PREX1: variants seen among roughly 807,000 people sequenced by gnomAD.
PREX1 encodes the protein phosphatidylinositol 3,4,5-trisphosphate-dependent Rac exchanger 1 protein.
In PREX1, 41 loss-of-function variants were observed where a neutral mutation model predicts 198.3. That is an observed-to-expected ratio of 0.21 (90% CI 0.16 to 0.27). The LOEUF (loss-of-function observed/expected upper bound fraction) is 0.27. PREX1 is among the 10% of genes least tolerant of loss of function. The probability of loss-of-function intolerance (pLI) is 1.00; values close to 1 mark genes in which losing one functional copy is unlikely to be tolerated. For synonymous variants in PREX1, 843 were observed against 887.2 expected (o/e 0.95, Z 0.89); for missense variants, 1,620 against 2,200.7 (o/e 0.74, Z 5.28).
intron 1 of PREX1, among the ~76,000 whole-genome samples, chr20:48,796,082 A>G (rs2090361209): frequency 6.6e-6 from 1 of 152,200 alleles, no homozygotes; most frequent in African/African-American, 2.4e-5. Flanking sequence ...CTCATCCACA[A>G]TGCATTAATT....
At chr20:48,778,644 G>A (rs2090274625) in intron 1 of PREX1, among the ~76,000 whole-genome samples, 1 of 152,018 alleles carries the variant, frequency 6.6e-6, no homozygotes, top group Admixed American at 6.6e-5. Flanking sequence ...ATATGGTACT[G>A]GTGAAAGGGG....
At chr20:48,642,055 C>T in intron 29 of PREX1, 113 bp downstream of exon 29, 2 of 1,108,342 alleles carry the variant, frequency 1.8e-6, no homozygotes, top group Admixed American at 2.0e-5. Context: ...TCCTGATGAT[C>T]CTACAGTCGT....
At chr20:48,725,863 C>G (rs1163505312) in intron 5 of PREX1, among the ~76,000 whole-genome samples, 1 of 152,196 alleles carries the variant, frequency 6.6e-6, no homozygotes, top group Non-Finnish European at 1.5e-5. Flanking sequence ...AAGCACGGGT[C>G]TAAGCTGACT....
chr20:48,764,706 C>T (rs958863896), intron 1 of PREX1, among the ~76,000 whole-genome samples: 4 of 148,544 alleles, frequency 2.7e-5, no homozygotes, highest in Non-Finnish European at 4.4e-5. Flanking sequence ...TGCTTGAACA[C>T]GGGAAGCAGT....
chr20:48,826,792 G>A (rs759717894), intron 1 of PREX1, among the ~76,000 whole-genome samples: 1 of 152,218 alleles, frequency 6.6e-6, no homozygotes, highest in East Asian at 1.9e-4. Flanking sequence ...CCGGGAGGCG[G>A]AGGTTGCAGT....
intron 5 of PREX1, among the ~76,000 whole-genome samples, chr20:48,712,586 T>G (rs943725174): frequency 6.6e-4 from 100 of 152,312 alleles, no homozygotes; most frequent in African/African-American, 2.3e-3. Flanking sequence ...AAAGGCTGCT[T>G]CCCTTTTCTA....
chr20:48,837,637 G>C, the PREX1 span, among the ~76,000 whole-genome samples: 1 of 152,306 alleles, frequency 6.6e-6, no homozygotes, highest in South Asian at 2.1e-4. Context: ...CATGGACGCA[G>C]AGGGGAGCAA....
chr20:48,754,610 G>A (rs1025190747), intron 1 of PREX1, among the ~76,000 whole-genome samples: 3 of 149,496 alleles, frequency 2.0e-5, no homozygotes, highest in Non-Finnish European at 4.4e-5. Flanking sequence ...TGCCCCCAAG[G>A]ACACCTCTGC....
the PREX1 span, among the ~76,000 whole-genome samples, chr20:48,860,631 G>A: frequency 6.6e-6 from 1 of 152,100 alleles, no homozygotes; most frequent in Non-Finnish European, 1.5e-5. Flanking sequence ...ATGAGGTCAG[G>A]AGATCGAGAC....
chr20:48,720,519 C>G (rs2089980454), intron 5 of PREX1, among the ~76,000 whole-genome samples: 1 of 152,118 alleles, frequency 6.6e-6, no homozygotes, highest in East Asian at 1.9e-4. Flanking sequence ...TCAGAGGACA[C>G]TAGGAAGACG....
intron 5 of PREX1, among the ~76,000 whole-genome samples, chr20:48,714,593 C>A (rs2089953376): frequency 6.6e-6 from 1 of 152,124 alleles, no homozygotes; most frequent in Non-Finnish European, 1.5e-5. Context: ...TAGCTATAAT[C>A]CAAAACATGA....
chr20:48,793,803 T>C (rs543654802), intron 1 of PREX1, among the ~76,000 whole-genome samples: 6 of 152,232 alleles, frequency 3.9e-5, no homozygotes, highest in African/African-American at 1.4e-4. Flanking sequence ...TATTCATATG[T>C]AAGGGTCAGT....
At chr20:48,850,416 G>A in the PREX1 span, among the ~76,000 whole-genome samples, 66 of 152,256 alleles carry the variant, frequency 4.3e-4, no homozygotes, top group Middle Eastern at 6.8e-3. Flanking sequence ...CAGATTAGGC[G>A]GTTGCAATTT....
At chr20:48,669,695 C>G (rs1370456320) in intron 14 of PREX1, among the ~76,000 whole-genome samples, 1 of 152,174 alleles carries the variant, frequency 6.6e-6, no homozygotes, top group Non-Finnish European at 1.5e-5. Context: ...GTGTCTCCAT[C>G]CCACCAAGTT....
intron 10 of PREX1, 141 bp downstream of exon 10, chr20:48,688,516 C>T (rs1443785626): frequency 4.6e-6 from 5 of 1,075,924 alleles, no homozygotes; most frequent in Non-Finnish European, 6.7e-6. Flanking sequence ...GAGGGCTGCT[C>T]CATAAGGATT....
the PREX1 span, among the ~76,000 whole-genome samples, chr20:48,855,086 C>G: frequency 6.6e-5 from 10 of 152,124 alleles, no homozygotes; most frequent in African/African-American, 2.4e-4. Context: ...ATTATCATAC[C>G]GATTATTATC....
chr20:48,677,145 G>A (rs1288095077), intron 13 of PREX1, among the ~76,000 whole-genome samples: 2 of 152,226 alleles, frequency 1.3e-5, no homozygotes. Context: ...GGCTCCACGT[G>A]CAGTTGGTGG....
intron 17 of PREX1, among the ~76,000 whole-genome samples, 154 bp from the exon 18 acceptor site, chr20:48,657,342 G>C (rs2089552944): frequency 6.6e-6 from 1 of 152,178 alleles, no homozygotes. Context: ...AAGCAGTTGA[G>C]GGGCACAAGG....
chr20:48,664,113 G>A (rs566536072), intron 15 of PREX1, among the ~76,000 whole-genome samples: 7 of 152,324 alleles, frequency 4.6e-5, no homozygotes, highest in South Asian at 4.1e-4. Context: ...GGTGGCTCAC[G>A]CCTGTAATCC....
Sources: allele counts gnomAD v4.1 joint callset (sites outside exome capture counted in the v4.1 genomes callset), GRCh38; gene constraint gnomAD v4.1.1; transcripts MANE v1.5; gene names NCBI Gene and HGNC (gene_info 2026-07-23, HGNC 2026-07-21).